PITPNC1: variants seen among roughly 807,000 people sequenced by gnomAD.
PITPNC1 encodes the protein cytoplasmic phosphatidylinositol transfer protein 1.
PITPNC1 carries 18 observed loss-of-function variants against 44.7 expected under a neutral mutation model. The observed-to-expected ratio is 0.40, with a 90% CI of 0.28 to 0.60. The LOEUF (loss-of-function observed/expected upper bound fraction) is 0.60. Ranked by LOEUF, PITPNC1 falls within the 20% of genes least tolerant of loss-of-function variation. The pLI, the probability that PITPNC1 is intolerant of heterozygous loss-of-function variation, is 0.39. For synonymous variants in PITPNC1, 141 were observed against 149.6 expected, an observed-to-expected ratio of 0.94 and a Z score of 0.42; for missense variants, 290 against 418.4, an observed-to-expected ratio of 0.69 and a Z score of 2.68.
At chr17:67,436,907 T>TG (rs2038944839) in intron 1 of PITPNC1, among the ~76,000 whole-genome samples, 1 of 127,518 alleles carries the variant, frequency 7.8e-6, no homozygotes, top group African/African-American at 3.0e-5. Context: ...AAAATAGGGG[T>TG]GTTTTTTTTT....
intron 4 of PITPNC1, among the ~76,000 whole-genome samples, chr17:67,577,628 ATTTTT>A (rs895317152): frequency 6.6e-6 from 1 of 150,844 alleles, no homozygotes; most frequent in Admixed American, 6.6e-5. Flanking sequence ...AAATTTAAAA[ATTTTT>A]TTTATTTTAC....
Position 67,508,954 on chromosome 17 carries a change from C to T in PITPNC1, c.49-23848C>T, listed in dbSNP as rs1271269544. Among the ~76,000 whole-genome samples, 1 of 152,198 alleles carries T rather than the reference C, an allele frequency of 6.6e-6. No homozygotes were observed. Among genetic ancestry groups the T allele is most frequent in the East Asian group, 1.9e-4 (1 of 5,202 alleles). On this transcript the variant is annotated intron_variant, in intron 1 of 8. Coordinates refer to ENST00000581322, the MANE Select transcript of PITPNC1 (RefSeq NM_012417.4). This position sits in a 1 kb window ranked among gnomAD's most constrained non-coding sequence, Gnocchi z 4.2. ...ACCATAATTTAAAAATAAAAACAGG[C>T]CGGGCTTGGTGGCTCACGTCTGTAA...
chr17:67,558,308 A>G (rs1252001587), intron 4 of PITPNC1, among the ~76,000 whole-genome samples: 1 of 152,176 alleles, frequency 6.6e-6, no homozygotes, highest in African/African-American at 2.4e-5. Flanking sequence ...ACTTAATTAT[A>G]CAGTAAACAA....
intron 6 of PITPNC1, among the ~76,000 whole-genome samples, chr17:67,650,441 CTTTTTTTTTT>C (rs34611864): frequency 2.8e-5 from 2 of 70,984 alleles, no homozygotes; most frequent in African/African-American, 1.3e-4. Context: ...AAACCATAGG[CTTTTTTTTTT>C]TTTTTTTTTT....
intron 1 of PITPNC1, chr17:67,525,365 T>C (rs2144115571): frequency 6.6e-6 from 1 of 152,374 alleles, no homozygotes; most frequent in Admixed American, 6.5e-5. Flanking sequence ...TATTCAACTC[T>C]GCCATTGTAA....
At chr17:67,642,673 A>G (rs890939829) in intron 6 of PITPNC1, among the ~76,000 whole-genome samples, 7 of 152,118 alleles carry the variant, frequency 4.6e-5, no homozygotes, top group African/African-American at 1.7e-4. Context: ...GAAAGATAAG[A>G]CGCCAAGTCT....
chr17:67,570,779 AT>A (rs59128496), intron 4 of PITPNC1, among the ~76,000 whole-genome samples: 4,154 of 145,668 alleles, frequency 0.029, 162 homozygotes, highest in African/African-American at 0.093. Context: ...AAAAATCTGT[AT>A]TTTTTTTTTT....
intron 1 of PITPNC1, among the ~76,000 whole-genome samples, 182 bp downstream of exon 1, chr17:67,378,384 G>C (rs1438478665): frequency 6.6e-6 from 1 of 152,160 alleles, no homozygotes; most frequent in African/African-American, 2.4e-5. Context: ...CAGCGGGGGA[G>C]GGCGGCGCTG....
chr17:67,456,634 T>C (rs1017854558), intron 1 of PITPNC1, among the ~76,000 whole-genome samples: 6 of 152,082 alleles, frequency 3.9e-5, no homozygotes, highest in African/African-American at 1.4e-4. Flanking sequence ...CCCCACCCAG[T>C]TTTTTTCTTA....
At chr17:67,442,204 C>CATGCAT (rs1178533056) in intron 1 of PITPNC1, among the ~76,000 whole-genome samples, 2 of 54,218 alleles carry the variant, frequency 3.7e-5, no homozygotes, top group Non-Finnish European at 7.7e-5. Flanking sequence ...GGAAAATAAG[C>CATGCAT]ATATATATAT....
At chr17:67,386,278 G>T (rs1334033769) in intron 1 of PITPNC1, among the ~76,000 whole-genome samples, 1 of 152,138 alleles carries the variant, frequency 6.6e-6, no homozygotes, top group African/African-American at 2.4e-5. Flanking sequence ...TGCAACCTCC[G>T]CCTCCCAGGT....
At chr17:67,532,611 G>A (rs997164935) in intron 1 of PITPNC1, among the ~76,000 whole-genome samples, 191 bp from the exon 2 acceptor site, 3 of 152,078 alleles carry the variant, frequency 2.0e-5, no homozygotes, top group South Asian at 2.1e-4. Context: ...GGAACACGCC[G>A]TCTCGATGTT....
intron 1 of PITPNC1, among the ~76,000 whole-genome samples, chr17:67,437,729 G>T (rs2038956726): frequency 6.6e-6 from 1 of 152,144 alleles, no homozygotes; most frequent in South Asian, 2.1e-4. Flanking sequence ...GGAGCTCTAA[G>T]ATCCCAGAGG....
intron 1 of PITPNC1, among the ~76,000 whole-genome samples, chr17:67,492,358 GACAC>G (rs1309715737): frequency 6.6e-6 from 1 of 152,190 alleles, no homozygotes; most frequent in Non-Finnish European, 1.5e-5. Context: ...AGAAGACACA[GACAC>G]ACAGGAAGGA....
At chr17:67,486,731 G>A (rs1039973840) in intron 1 of PITPNC1, among the ~76,000 whole-genome samples, 5 of 152,124 alleles carry the variant, frequency 3.3e-5, no homozygotes, top group East Asian at 3.9e-4. Context: ...CATTTAGGGC[G>A]GTGAGAGCAG....
intron 1 of PITPNC1, among the ~76,000 whole-genome samples, chr17:67,416,292 C>A (rs752285576): frequency 1.4e-5 from 2 of 147,614 alleles, no homozygotes; most frequent in Middle Eastern, 3.6e-3. Flanking sequence ...TCACTGCAAC[C>A]ACAACCTCCA....
intron 1 of PITPNC1, among the ~76,000 whole-genome samples, chr17:67,502,744 C>CATTGT (rs71139151): frequency 0.13 from 18,386 of 137,702 alleles, 1,647 homozygotes; most frequent in African/African-American, 0.23. Context: ...CATTGCATTG[C>CATTGT]ATTGTATTGT....
chr17:67,494,195 TTCTTTC>T (rs1481694508), intron 1 of PITPNC1, among the ~76,000 whole-genome samples: 1 of 144,172 alleles, frequency 6.9e-6, no homozygotes, highest in African/African-American at 2.7e-5. Flanking sequence ...TTTTCTTTCT[TTCTTTC>T]TTTCTTTCTT....
chr17:67,640,486 C>G (rs1159404692), intron 6 of PITPNC1, among the ~76,000 whole-genome samples: 1 of 151,412 alleles, frequency 6.6e-6, no homozygotes, highest in African/African-American at 2.4e-5. Flanking sequence ...TCGAGACCAG[C>G]CTGGCCAACA....
Sources: allele counts gnomAD v4.1 joint callset (sites outside exome capture counted in the v4.1 genomes callset), GRCh38; gene constraint gnomAD v4.1.1; non-coding constraint Gnocchi (gnomAD v3.1); transcripts MANE v1.5; gene names NCBI Gene and HGNC (gene_info 2026-07-23, HGNC 2026-07-21).